The following CLIP2 variants were observed in gnomAD, a reference collection of about 807,000 sequenced individuals.
The protein encoded by CLIP2 is CAP-Gly domain containing linker protein 2.
CLIP2 carries 41 observed loss-of-function variants against 111.7 expected under a neutral mutation model. That is an observed-to-expected ratio of 0.37 (90% CI 0.29 to 0.48). The LOEUF is 0.48. Among genes scored for constraint, CLIP2 ranks in the 20% least tolerant of loss-of-function variants. The pLI is 0.99. For synonymous variants in CLIP2, 660 were observed against 644.2 expected, an observed-to-expected ratio of 1.02 and a Z score of -0.37; for missense variants, 1,160 against 1,422.1, an observed-to-expected ratio of 0.82 and a Z score of 2.96.
chr7:74,390,174 A>T (rs1224319157), intron 13 of CLIP2, among the ~76,000 whole-genome samples: 33 of 44,326 alleles, frequency 7.4e-4, no homozygotes, highest in Non-Finnish European at 1.8e-3. Flanking sequence ...AGAAAGAAAG[A>T]AAGAAAGAAA....
rs782425641 is a variant in CLIP2 at position 74,380,909 on chromosome 7, G to A, written c.2479+46G>A. 7 of 1,584,148 alleles carry A rather than the reference G, an allele frequency of 4.4e-6. No homozygotes were observed. In the East Asian group the frequency reaches 1.6e-4, roughly 35 times the overall value. On this transcript the variant is annotated intron_variant, in intron 11 of 16. Coordinates refer to ENST00000223398, the MANE Select transcript of CLIP2 (RefSeq NM_003388.5). ...GCGGGACTCTGGGCTCTGGGAAGAG[G>A]CTGGCTGGCTCTGCCTTCCTGCTGG...
intron 2 of CLIP2, among the ~76,000 whole-genome samples, chr7:74,320,520 TCAAAAA>T (rs1788920398): frequency 6.6e-6 from 1 of 152,004 alleles, no homozygotes; most frequent in African/African-American, 2.4e-5. Flanking sequence ...AGACCCTGAC[TCAAAAA>T]CAAAACAAAA....
At chr7:74,323,406 CT>C (rs1165637429) in intron 2 of CLIP2, among the ~76,000 whole-genome samples, 2 of 147,906 alleles carry the variant, frequency 1.4e-5, no homozygotes, top group Admixed American at 6.8e-5. Flanking sequence ...GCCTAGATAT[CT>C]TTTTTTTTCC....
At chr7:74,293,251 A>G (rs782507354) in intron 1 of CLIP2, among the ~76,000 whole-genome samples, 25 of 152,180 alleles carry the variant, frequency 1.6e-4, no homozygotes, top group Non-Finnish European at 2.9e-4. Flanking sequence ...GCAGCAAACA[A>G]TTGGAGGCGA....
intron 11 of CLIP2, chr7:74,381,756 A>G: frequency 5.6e-6 from 2 of 355,280 alleles, no homozygotes; most frequent in Non-Finnish European, 5.6e-6. Flanking sequence ...TACAGGGTAC[A>G]GAATATTCCA....
At position 74,380,565 on chromosome 7, in the gene CLIP2, G is replaced by C. The variant is rs76478660; in HGVS notation, c.2422-241G>C. On this transcript the variant is annotated intron_variant, in intron 10 of 16. Transcript: ENST00000223398. ...CAAAGGAAGGGTAGGAGGTATTCATGTATAAGCTGCACAGGCGGCCTTCAG... is the reference window on the plus strand; with the variant it reads ...CAAAGGAAGGGTAGGAGGTATTCATCTATAAGCTGCACAGGCGGCCTTCAG... 4.7e-3 allele frequency: 1,857 copies of C among 396,182 alleles called. 29 individuals carry two copies. The highest frequency in any genetic ancestry group is 0.034 in the African/African-American group (1,687 of 50,214). 24.5% of individuals were successfully genotyped at this position (396,182 alleles called of 1,614,324 possible). A position where few individuals can be genotyped will look rare whatever the true frequency, so the allele number is the denominator to read the frequency against.
At chr7:74,293,924 T>G (rs1445015866) in intron 1 of CLIP2, among the ~76,000 whole-genome samples, 3 of 150,516 alleles carry the variant, frequency 2.0e-5, no homozygotes, top group Admixed American at 6.6e-5. Flanking sequence ...TTTTTTTTGT[T>G]TTTTTTTTTG....
At chr7:74,359,521 T>C (rs958656994) in intron 6 of CLIP2, among the ~76,000 whole-genome samples, 2 of 151,530 alleles carry the variant, frequency 1.3e-5, no homozygotes, top group Non-Finnish European at 1.5e-5. Flanking sequence ...GCCCAGCTAA[T>C]GTTTTTTGTA....
At position 74,404,544 on chromosome 7, in the gene CLIP2, TGGCCGAAGATGTCACCAA is replaced by T. The variant is rs2116723434; in HGVS notation, c.*701_*718del. The T allele has an allele frequency of 6.5e-6, 1 of 153,108 alleles. No individual in the cohort carries two copies. Among genetic ancestry groups the T allele is most frequent in the South Asian group, 2.1e-4 (1 of 4,830 alleles). The allele number at this position is 153,108 out of a possible 1,614,324, so 9.5% of individuals were successfully genotyped here. ...CAACACACACACACCTCTAAGCTGC[TGGCCGAAGATGTCACCAA>T]GGCCAAAGACACAGTATTATGAAGG... On this transcript the variant is annotated 3_prime_UTR_variant, in exon 17 of 17. Transcript: ENST00000223398.
Position 74,353,985 on chromosome 7 carries a change from G to T in CLIP2, c.784G>T (p.Gly262Trp). 2 of 1,613,402 alleles carry T rather than the reference G, an allele frequency of 1.2e-6. No individual in the cohort carries two copies. The highest frequency in any genetic ancestry group is 1.7e-6 in the Non-Finnish European group (2 of 1,179,464). ...GGACGAGCCCCTTGGGAAGAATGAT[G>T]GGGCGGTGGCGGGCACCAGGTATGG... is the stretch of plus-strand genomic sequence containing the variant. ...ELDEPLGKND[G>W]AVAGTRYFQC... Residue 262 changes from glycine (G) to tryptophan (W), a missense_variant, in exon 4 of 17, where the codon GGG becomes TGG. This residue lies in a region of CLIP2 where 110 missense variants were observed against 185.2 expected (regional missense o/e 0.59). Coordinates refer to ENST00000223398, the MANE Select transcript of CLIP2 (RefSeq NM_003388.5).
In CLIP2 at chr7:74,338,269, A is replaced by T. The variant is rs1368254541; in HGVS notation, c.122-179A>T. On this transcript the variant is annotated intron_variant, in intron 2 of 16. Transcript: ENST00000223398. This position sits in a 1 kb window ranked among gnomAD's most constrained non-coding sequence, Gnocchi z 4.3. ...GTAATCCCAGCAATTTGGGAAGCCA[A>T]GGCGGGCGGATTTCTTGAGGTCAGG... 6.6e-6 allele frequency among the ~76,000 whole-genome samples: 1 copy of T among 152,122 alleles called. No homozygotes were observed. The highest frequency in any genetic ancestry group is 2.4e-5 in the African/African-American group (1 of 41,428).
chr7:74,344,139 C>T lies in CLIP2; in HGVS notation c.678+5135C>T, dbSNP rs1321415388. ...GATCCCGCCTGGCATTCCCTCTGCA[C>T]CTGCTCTCCCTGCAGGGAGTAGATG... On this transcript the variant is annotated intron_variant, in intron 3 of 16. Transcript: ENST00000223398. Among the ~76,000 whole-genome samples the T allele has an allele frequency of 2.6e-5, 4 of 152,118 alleles. No individual in the cohort carries two copies. The East Asian group carries it at 5.8e-4, about 22-fold the overall frequency.
At chr7:74,310,915 A>G (rs1027995506) in intron 1 of CLIP2, among the ~76,000 whole-genome samples, 4 of 151,146 alleles carry the variant, frequency 2.6e-5, no homozygotes, top group African/African-American at 9.7e-5. Flanking sequence ...GGGTTTCGCC[A>G]TGTTGCCCAG....
At chr7:74,357,253 C>T (rs782556939) in intron 5 of CLIP2, 27 bp from the exon 6 acceptor site, 2 of 1,608,966 alleles carry the variant, frequency 1.2e-6, no homozygotes, top group East Asian at 4.5e-5. Context: ...ATCCCTGAGA[C>T]CCGCCTGCAT....
intron 3 of CLIP2, among the ~76,000 whole-genome samples, chr7:74,342,612 G>A (rs1336475140): frequency 2.0e-5 from 3 of 152,034 alleles, no homozygotes; most frequent in Non-Finnish European, 2.9e-5. Flanking sequence ...TGGGATCGGA[G>A]GAGGCAAGAG....
intron 3 of CLIP2, among the ~76,000 whole-genome samples, chr7:74,344,143 C>T (rs1456795822): frequency 6.6e-6 from 1 of 152,146 alleles, no homozygotes; most frequent in Non-Finnish European, 1.5e-5. Context: ...TCTGCACCTG[C>T]TCTCCCTGCA....
At position 74,374,582 on chromosome 7, in the gene CLIP2, G is replaced by A. The variant is rs182101917; in HGVS notation, c.1486-1305G>A. Among the ~76,000 whole-genome samples, 384 of 152,160 alleles carry A rather than the reference G, an allele frequency of 2.5e-3. 2 individuals are homozygous for A. In the Middle Eastern group the frequency reaches 0.034, roughly 13 times the overall value. On this transcript the variant is annotated intron_variant, in intron 9 of 16. Transcript: ENST00000223398. ...TTAAAAATACAAAAATTAACTGAGCGGGGTGGTGCACGCCTGTAGTCCCAG... is the reference window on the plus strand; with the variant it reads ...TTAAAAATACAAAAATTAACTGAGCAGGGTGGTGCACGCCTGTAGTCCCAG...
intron 15 of CLIP2, among the ~76,000 whole-genome samples, chr7:74,401,225 C>G (rs568020267): frequency 1.1e-4 from 16 of 152,254 alleles, no homozygotes; most frequent in African/African-American, 3.6e-4. Flanking sequence ...AAGCGGGAGG[C>G]AGCTCTGTCC....
intron 13 of CLIP2, among the ~76,000 whole-genome samples, chr7:74,393,681 C>T (rs1172024379): frequency 2.6e-5 from 4 of 152,180 alleles, no homozygotes; most frequent in African/African-American, 9.7e-5. Flanking sequence ...CTTTGAAGCA[C>T]AGACATCCTT....
Sources: allele counts gnomAD v4.1 joint callset (sites outside exome capture counted in the v4.1 genomes callset), GRCh38; gene constraint gnomAD v4.1.1; regional missense constraint gnomAD v4.1.1; non-coding constraint Gnocchi (gnomAD v3.1); transcripts MANE v1.5; gene names NCBI Gene and HGNC (gene_info 2026-07-23, HGNC 2026-07-21).